The following CLEC16A variants were observed in gnomAD, a reference collection of about 807,000 sequenced individuals.
The protein encoded by CLEC16A is protein CLEC16A.
In CLEC16A, 51 loss-of-function variants were observed where a neutral mutation model predicts 109.5. That is an observed-to-expected ratio of 0.47 (90% CI 0.37 to 0.59). The LOEUF is 0.59. Among genes scored for constraint, CLEC16A ranks in the 20% least tolerant of loss-of-function variants. The pLI, the probability that CLEC16A is intolerant of heterozygous loss-of-function variation, is 0.00. For synonymous variants in CLEC16A, 673 were observed against 564.2 expected, an observed-to-expected ratio of 1.19 and a Z score of -2.73; for missense variants, 1,339 against 1,394.0, an observed-to-expected ratio of 0.96 and a Z score of 0.63.
chr16:11,074,664 A>T lies in CLEC16A; in HGVS notation c.2116+13642A>T, dbSNP rs546252855. Reference sequence around the variant, plus strand: ...CATAATTGAGCCACATTAGAGAGACATGTTCTGCTGAGATCACAAGGTCAC... The same window carrying T: ...CATAATTGAGCCACATTAGAGAGACTTGTTCTGCTGAGATCACAAGGTCAC... On this transcript the variant is annotated intron_variant, in intron 19 of 23. Transcript: ENST00000409790. Among the ~76,000 whole-genome samples, 12 of 152,290 alleles carry T rather than the reference A, an allele frequency of 7.9e-5. No homozygotes were observed. The South Asian group carries it at 2.3e-3, about 29-fold the overall frequency.
At chr16:11,094,859 G>T (rs2050515706) in intron 19 of CLEC16A, among the ~76,000 whole-genome samples, 1 of 152,210 alleles carries the variant, frequency 6.6e-6, no homozygotes, top group South Asian at 2.1e-4. Context: ...TGAGGTAGCA[G>T]GGGGCTATTT....
chr16:11,003,068 T>C lies in CLEC16A; in HGVS notation c.1072-6T>C, dbSNP rs747798116. ...TTCACCTGTTGCCTTCGTTGGACTT[T>C]CCTAGGCCAAGCCCAGCATTCGGTG... On this transcript the variant is annotated splice_region_variant and splice_polypyrimidine_tract_variant and intron_variant, in intron 10 of 23. Coordinates refer to ENST00000409790, the MANE Select transcript of CLEC16A (RefSeq NM_015226.3). 2 of 1,604,758 alleles carry C rather than the reference T, an allele frequency of 1.2e-6. No individual in the cohort carries two copies. Among genetic ancestry groups the C allele is most frequent in the Non-Finnish European group, 1.7e-6 (2 of 1,175,860 alleles).
chr16:11,154,913 C>T (rs749665930), intron 22 of CLEC16A, among the ~76,000 whole-genome samples: 6 of 151,810 alleles, frequency 4.0e-5, no homozygotes, highest in Admixed American at 6.6e-5. Flanking sequence ...GGCAACAGAG[C>T]GGGACTCCAT....
At chr16:11,044,126 A>G in intron 16 of CLEC16A, 54 bp downstream of exon 16, 1 of 1,478,586 alleles carries the variant, frequency 6.8e-7, no homozygotes, top group South Asian at 1.2e-5. Flanking sequence ...TAGAAACAGA[A>G]GTGTGGTGTC....
chr16:11,062,815 A>G lies in CLEC16A; in HGVS notation c.2116+1793A>G, dbSNP rs541660149. ...CACAGGAATTTCTCTAAGGGTTTAA[A>G]TTGATCAAGTTGGCTGCAAAGAATC... is the stretch of plus-strand genomic sequence containing the variant. On this transcript the variant is annotated intron_variant, in intron 19 of 23. Transcript: ENST00000409790. Among the ~76,000 whole-genome samples, 23 of 139,130 alleles carry G rather than the reference A, an allele frequency of 1.7e-4. No homozygotes were observed. In the South Asian group the frequency reaches 5.4e-3, roughly 33 times the overall value. The allele number at this position is 139,130 out of a possible 152,430, so 91.3% of individuals were successfully genotyped here.
intron 19 of CLEC16A, among the ~76,000 whole-genome samples, chr16:11,073,062 C>T (rs991146142): frequency 1.3e-5 from 2 of 152,186 alleles, no homozygotes; most frequent in African/African-American, 4.8e-5. Flanking sequence ...CAGGCATGGG[C>T]CCTGGAGAAG....
At chr16:11,141,223 C>G (rs2053811290) in intron 22 of CLEC16A, among the ~76,000 whole-genome samples, 1 of 152,348 alleles carries the variant, frequency 6.6e-6, no homozygotes, top group South Asian at 2.1e-4. Context: ...ATGGACAGCA[C>G]CAGGCAGGTA....
chr16:11,125,950 G>T, intron 21 of CLEC16A, 29 bp from the exon 22 acceptor site: 1 of 1,521,724 alleles, frequency 6.6e-7, no homozygotes, highest in Admixed American at 2.0e-5. Context: ...CACATGCTCA[G>T]AGTGAACCAT....
At chr16:11,017,385 A>G (rs930620957) in intron 11 of CLEC16A, among the ~76,000 whole-genome samples, 6 of 152,228 alleles carry the variant, frequency 3.9e-5, no homozygotes, top group African/African-American at 1.2e-4. Context: ...AGAGAATGTA[A>G]GAGCCAAGTC....
At chr16:11,048,949 C>G (rs1339858850) in intron 17 of CLEC16A, among the ~76,000 whole-genome samples, 2 of 152,068 alleles carry the variant, frequency 1.3e-5, no homozygotes, top group African/African-American at 4.8e-5. Context: ...AACCCCTGCT[C>G]AGTGTCTGCT....
At chr16:10,965,878 C>T (rs2042477292) in intron 3 of CLEC16A, among the ~76,000 whole-genome samples, 1 of 152,158 alleles carries the variant, frequency 6.6e-6, no homozygotes, top group African/African-American at 2.4e-5. Flanking sequence ...GTGGAGGGAG[C>T]CTGTCGCTGT....
chr16:11,137,000 A>C (rs1415455952), intron 22 of CLEC16A, among the ~76,000 whole-genome samples: 1 of 152,216 alleles, frequency 6.6e-6, no homozygotes, highest in Non-Finnish European at 1.5e-5. Context: ...GCATATTCAG[A>C]GGCAGAACAC....
chr16:10,975,955 A>G (rs1195055084), intron 7 of CLEC16A, among the ~76,000 whole-genome samples: 1 of 152,078 alleles, frequency 6.6e-6, no homozygotes, highest in East Asian at 1.9e-4. Context: ...CCCAGCTGAA[A>G]TATCTTGTTG....
At chr16:11,109,939 G>A (rs578119212) in intron 19 of CLEC16A, among the ~76,000 whole-genome samples, 3 of 152,276 alleles carry the variant, frequency 2.0e-5, no homozygotes, top group Non-Finnish European at 4.4e-5. Flanking sequence ...CCCCTGTAAG[G>A]AAAAAGACTT....
intron 11 of CLEC16A, among the ~76,000 whole-genome samples, chr16:11,018,338 G>T (rs191457874): frequency 6.6e-6 from 1 of 151,522 alleles, no homozygotes; most frequent in Admixed American, 6.6e-5. Flanking sequence ...AGATGTCTCC[G>T]TGGAGGCGAC....
intron 19 of CLEC16A, among the ~76,000 whole-genome samples, chr16:11,081,318 C>G (rs1366609779): frequency 5.3e-5 from 8 of 152,210 alleles, no homozygotes; most frequent in African/African-American, 9.6e-5. Flanking sequence ...AGCCCCCTCT[C>G]CACTCTACTC....
At chr16:10,990,911 A>G (rs892917389) in intron 10 of CLEC16A, among the ~76,000 whole-genome samples, 3 of 152,058 alleles carry the variant, frequency 2.0e-5, no homozygotes, top group Non-Finnish European at 2.9e-5. Flanking sequence ...GCCTCTTCGG[A>G]TATTTGTGAT....
Position 11,027,124 on chromosome 16 carries a change from A to T in CLEC16A, c.1537+2203A>T, listed in dbSNP as rs1437650450. 10 of 1,492,694 alleles carry T rather than the reference A, an allele frequency of 6.7e-6. No individual in the cohort carries two copies. The East Asian group carries it at 2.0e-4, about 30-fold the overall frequency. The allele number at this position is 1,492,694 out of a possible 1,614,324, so 92.5% of individuals were successfully genotyped here. A position where few individuals can be genotyped will look rare whatever the true frequency, so the allele number is the denominator to read the frequency against. ...CTCAAAGCCACCCAGGCAAAGCAGGAACTTTTGGCAAAGAAGGAGCAGAAG... is the reference window on the plus strand; with the variant it reads ...CTCAAAGCCACCCAGGCAAAGCAGGTACTTTTGGCAAAGAAGGAGCAGAAG... On this transcript the variant is annotated intron_variant, in intron 13 of 23. Coordinates refer to ENST00000409790, the MANE Select transcript of CLEC16A (RefSeq NM_015226.3).
chr16:11,063,812 C>G (rs1164173311), intron 19 of CLEC16A, among the ~76,000 whole-genome samples: 1 of 151,472 alleles, frequency 6.6e-6, no homozygotes, highest in African/African-American at 2.4e-5. Context: ...AAAGTGAAGC[C>G]TGTTTTGTTT....
Sources: allele counts gnomAD v4.1 joint callset (sites outside exome capture counted in the v4.1 genomes callset), GRCh38; gene constraint gnomAD v4.1.1; transcripts MANE v1.5; gene names NCBI Gene and HGNC (gene_info 2026-07-23, HGNC 2026-07-21).